Variants in IQCH observed in about 807,000 individuals in gnomAD.
The protein encoded by IQCH is IQ domain-containing protein H.
Under a neutral mutation model 117.0 loss-of-function variants are expected in IQCH, and 98 were observed. That is an observed-to-expected ratio of 0.84 (90% confidence interval 0.71 to 0.99). The LOEUF (loss-of-function observed/expected upper bound fraction) is 0.99. Among genes scored for constraint, IQCH ranks in the 50% least tolerant of loss-of-function variants. The pLI is 0.00. For missense variants in IQCH, 1,102 were observed against 1,243.8 expected (o/e 0.89, Z 1.72); for synonymous variants, 412 against 448.2 (o/e 0.92, Z 1.02).
chr15:67,283,865 A>G (rs929629272), intron 4 of IQCH, among the ~76,000 whole-genome samples: 2 of 152,142 alleles, frequency 1.3e-5, no homozygotes, highest in Non-Finnish European at 2.9e-5. Flanking sequence ...TCATTTACCA[A>G]ACATTTTCAA....
At position 67,490,096 on chromosome 15, in the gene IQCH, A is replaced by G. The variant is rs769619551; in HGVS notation, c.2861+32A>G. 6 of 1,279,320 alleles carry G rather than the reference A, an allele frequency of 4.7e-6. No homozygotes were observed. The highest frequency in any genetic ancestry group is 1.8e-4 in the Middle Eastern group (1 of 5,412). 79.2% of individuals were successfully genotyped at this position (1,279,320 alleles called of 1,614,324 possible). On this transcript the variant is annotated intron_variant, in intron 19 of 20. Coordinates refer to ENST00000335894, the MANE Select transcript of IQCH (RefSeq NM_001031715.3). The surrounding 1 kb of genome is among the most constrained non-coding windows in gnomAD (Gnocchi z 4.9). ...ATGAAGTGTATCTGTGAGTTGCAAT[A>G]AGCTAAGGAAATAGACAATCACAAC...
chr15:67,255,064 C>T, intron 1 of IQCH, 117 bp downstream of exon 1: 3 of 1,025,028 alleles, frequency 2.9e-6, no homozygotes, highest in South Asian at 2.7e-5. Flanking sequence ...AGACTCCCTC[C>T]AACTCGCGAG....
At chr15:67,319,463 T>C (rs1321592230) in intron 4 of IQCH, among the ~76,000 whole-genome samples, 1 of 152,226 alleles carries the variant, frequency 6.6e-6, no homozygotes, top group Non-Finnish European at 1.5e-5. Flanking sequence ...GTTCTCACCA[T>C]CCATAATTCT....
At chr15:67,299,475 A>T (rs536732481) in intron 4 of IQCH, among the ~76,000 whole-genome samples, 1 of 152,244 alleles carries the variant, frequency 6.6e-6, no homozygotes, top group East Asian at 1.9e-4. Context: ...TAAATGCTTG[A>T]GGTGATGGAT....
rs1440174219 is a variant in IQCH at position 67,342,641 on chromosome 15, A to G, written c.509-1422A>G. On this transcript the variant is annotated intron_variant, in intron 5 of 20. Transcript: ENST00000335894. This position sits in a 1 kb window ranked among gnomAD's most constrained non-coding sequence, Gnocchi z 4.7. ...TAGGTGGAAAATATTTGTGAGGACA[A>G]AGAATTAGTCTTACAAGATTTTTAA... Among the ~76,000 whole-genome samples, 1 of 152,186 alleles carries G rather than the reference A, an allele frequency of 6.6e-6. No individual in the cohort carries two copies. The highest frequency in any genetic ancestry group is 1.5e-5 in the Non-Finnish European group (1 of 68,024).
In IQCH at chr15:67,418,513, CCACA is replaced by C. The variant is rs368875296; in HGVS notation, c.2218+1499_2218+1502del. On this transcript the variant is annotated intron_variant, in intron 15 of 20. Coordinates refer to ENST00000335894, the MANE Select transcript of IQCH (RefSeq NM_001031715.3). Reference sequence around the variant, plus strand: ...TAAATGGAAGAAAATCAAGTGGCTACCACACACACACACACACACACACACACAC... The same window carrying C: ...TAAATGGAAGAAAATCAAGTGGCTACCACACACACACACACACACACACAC... Among the ~76,000 whole-genome samples, 306 of 114,100 alleles carry C rather than the reference CCACA, an allele frequency of 2.7e-3. 4 individuals are homozygous for C. The highest frequency in any genetic ancestry group is 8.3e-3 in the African/African-American group (245 of 29,462). 74.9% of individuals were successfully genotyped at this position (114,100 alleles called of 152,430 possible).
intron 16 of IQCH, among the ~76,000 whole-genome samples, chr15:67,450,016 C>G (rs1303578716): frequency 2.0e-5 from 3 of 151,982 alleles, no homozygotes; most frequent in Non-Finnish European, 4.4e-5. Context: ...TCATGATTTG[C>G]CTCTCTGTTT....
intron 6 of IQCH, among the ~76,000 whole-genome samples, chr15:67,348,133 T>A: frequency 6.6e-6 from 1 of 151,962 alleles, no homozygotes; most frequent in Non-Finnish European, 1.5e-5. Context: ...ATAAAAGATG[T>A]CTACAACTAA....
chr15:67,360,305 A>G (rs537810442), intron 8 of IQCH, among the ~76,000 whole-genome samples: 1 of 152,328 alleles, frequency 6.6e-6, no homozygotes, highest in South Asian at 2.1e-4. Context: ...CACACATGCA[A>G]CATACTGCAT....
intron 4 of IQCH, among the ~76,000 whole-genome samples, chr15:67,296,374 A>T (rs1322137564): frequency 6.6e-6 from 1 of 152,166 alleles, no homozygotes; most frequent in Non-Finnish European, 1.5e-5. Flanking sequence ...GTATGTGGTC[A>T]TTGGTCATTC....
chr15:67,319,944 T>G (rs1035949518), intron 4 of IQCH, among the ~76,000 whole-genome samples: 10 of 152,248 alleles, frequency 6.6e-5, no homozygotes, highest in African/African-American at 2.2e-4. Flanking sequence ...CATTACTAAA[T>G]GAGTTAAATT....
At chr15:67,255,919 G>A (rs889367553) in intron 1 of IQCH, among the ~76,000 whole-genome samples, 2 of 151,994 alleles carry the variant, frequency 1.3e-5, no homozygotes. Context: ...TCACCATCAC[G>A]CAGCAATGAG....
chr15:67,360,739 A>G (rs1970096135), intron 8 of IQCH, among the ~76,000 whole-genome samples: 1 of 152,210 alleles, frequency 6.6e-6, no homozygotes, highest in Non-Finnish European at 1.5e-5. Flanking sequence ...TCTGCTTTCA[A>G]GGAAAAAGAG....
At position 67,388,902 on chromosome 15, in the gene IQCH, AT is replaced by A; in HGVS notation, c.1529del (p.Ile510ThrfsTer2). On this transcript the variant is annotated frameshift_variant, in exon 12 of 21. Coordinates refer to ENST00000335894, the MANE Select transcript of IQCH (RefSeq NM_001031715.3). LOFTEE classifies it high-confidence loss of function. This position sits in a 1 kb window ranked among gnomAD's most constrained non-coding sequence, Gnocchi z 5.5. ...NDELVLYYKKILSLHAAVKSG... is the reference protein window; with the variant it reads ...NDELVLYYKKXLSLHAAVKSG... The stretch of plus-strand genomic sequence containing the variant: ...CGAGTTAGTGCTGTATTACAAAAAA[AT>A]CCTAAGTCTACATGCAGCCGTCAAA... 6.2e-7 allele frequency: 1 copy of A among 1,613,958 alleles called. No individual in the cohort carries two copies.
At chr15:67,255,408 G>A (rs913104268) in intron 1 of IQCH, 1 of 158,254 alleles carries the variant, frequency 6.3e-6, no homozygotes, top group African/African-American at 2.4e-5. Flanking sequence ...TTCCTCATTG[G>A]AGAACACACA....
Position 67,475,857 on chromosome 15 carries a change from A to G in IQCH, c.2799+39A>G. The G allele has an allele frequency of 6.3e-7, 1 of 1,586,424 alleles. No individual in the cohort carries two copies. The highest frequency in any genetic ancestry group is 8.6e-7 in the Non-Finnish European group (1 of 1,156,104). On this transcript the variant is annotated intron_variant, in intron 18 of 20. Coordinates refer to ENST00000335894, the MANE Select transcript of IQCH (RefSeq NM_001031715.3). The surrounding 1 kb of genome is among the most constrained non-coding windows in gnomAD (Gnocchi z 5.7). ...CAGTTGGCCAGGGGCGGCCAAAGAC[A>G]TGCCTGTGGGTGATCTAGGTAGCTA...
rs949797866 is a variant in IQCH at position 67,474,592 on chromosome 15, A to G, written c.2677-1104A>G. Among the ~76,000 whole-genome samples the G allele has an allele frequency of 6.6e-6, 1 of 152,256 alleles. No homozygotes were observed. Among genetic ancestry groups the G allele is most frequent in the East Asian group, 1.9e-4 (1 of 5,184 alleles). ...CAGCACTTTGGGCCTACTATCACCA[A>G]TCTCTTTGGCATGGCTTTCACTGAT... is the stretch of plus-strand genomic sequence containing the variant. On this transcript the variant is annotated intron_variant, in intron 17 of 20. Coordinates refer to ENST00000335894, the MANE Select transcript of IQCH (RefSeq NM_001031715.3). This position sits in a 1 kb window ranked among gnomAD's most constrained non-coding sequence, Gnocchi z 4.1.
intron 18 of IQCH, among the ~76,000 whole-genome samples, chr15:67,482,691 G>C (rs2083371016): frequency 6.6e-6 from 1 of 152,138 alleles, no homozygotes; most frequent in Non-Finnish European, 1.5e-5. Flanking sequence ...ATTTTACACA[G>C]AAGTAAAATT....
In IQCH at chr15:67,408,812, C is replaced by G. The variant is rs1198277293; in HGVS notation, c.2098-8119C>G. Among the ~76,000 whole-genome samples the G allele has an allele frequency of 6.6e-6, 1 of 152,154 alleles. No homozygotes were observed. Among genetic ancestry groups the G allele is most frequent in the Non-Finnish European group, 1.5e-5 (1 of 68,028 alleles). On this transcript the variant is annotated intron_variant, in intron 14 of 20. Coordinates refer to ENST00000335894, the MANE Select transcript of IQCH (RefSeq NM_001031715.3). The surrounding 1 kb of genome is among the most constrained non-coding windows in gnomAD (Gnocchi z 4.2). ...ATTTCTCTAACTGGAAAGAAAGACCCTATTACCAGTAATGATAATTATGGC... is the reference window on the plus strand; with the variant it reads ...ATTTCTCTAACTGGAAAGAAAGACCGTATTACCAGTAATGATAATTATGGC...
Sources: gnomAD v4.1 joint callset for allele counts (sites outside exome capture counted in the v4.1 genomes callset) on GRCh38, gnomAD v4.1.1 for gene constraint, Gnocchi (gnomAD v3.1) non-coding constraint, MANE v1.5 for transcripts, NCBI Gene and HGNC (gene_info 2026-07-23, HGNC 2026-07-21) for gene names.